Variants in METTL22 observed in about 807,000 individuals in gnomAD.
METTL22 encodes the protein methyltransferase-like protein 22.
Under a neutral mutation model 48.4 loss-of-function variants are expected in METTL22, and 51 were observed. That is an observed-to-expected ratio of 1.05 (90% CI 0.84 to 1.33). The LOEUF is 1.33. Ranked by LOEUF, METTL22 falls within the 40% of genes most tolerant of loss-of-function variation. The probability of loss-of-function intolerance (pLI) is 0.00; values close to 1 mark genes in which losing one functional copy is unlikely to be tolerated. For missense variants in METTL22, 678 were observed against 526.9 expected, an observed-to-expected ratio of 1.29 and a Z score of -2.81; for synonymous variants, 255 against 214.1, an observed-to-expected ratio of 1.19 and a Z score of -1.67.
At chr16:8,642,589 G>C (rs550408858) in intron 9 of METTL22, 24 bp downstream of exon 9, 2 of 1,604,184 alleles carry the variant, frequency 1.2e-6, no homozygotes, top group South Asian at 1.1e-5. Flanking sequence ...CACGGGAACC[G>C]TGCTGACGTC....
chr16:8,659,452 A>G, the METTL22 span, among the ~76,000 whole-genome samples: 21 of 152,292 alleles, frequency 1.4e-4, no homozygotes, highest in Non-Finnish European at 2.5e-4. Context: ...CATTCTGCAA[A>G]TATCTACCAA....
At chr16:8,638,951 T>G in intron 5 of METTL22, 140 bp from the exon 6 acceptor site, 1 of 755,164 alleles carries the variant, frequency 1.3e-6, no homozygotes. Flanking sequence ...GTATTTAATT[T>G]TGGCAGTAAG....
downstream of METTL22, among the ~76,000 whole-genome samples, chr16:8,650,764 C>T (rs1040244154): frequency 6.6e-6 from 1 of 152,210 alleles, no homozygotes; most frequent in Non-Finnish European, 1.5e-5. Flanking sequence ...GTGGCTCATG[C>T]GTGTAATCCC....
At chr16:8,627,423 C>T (rs1180995400) in intron 2 of METTL22, among the ~76,000 whole-genome samples, 1 of 152,094 alleles carries the variant, frequency 6.6e-6, no homozygotes, top group African/African-American at 2.4e-5. Flanking sequence ...ACCTGCTTTC[C>T]TCCCCTCCTG....
At chr16:8,661,632 G>C in the METTL22 span, among the ~76,000 whole-genome samples, 1 of 83,006 alleles carries the variant, frequency 1.2e-5, no homozygotes, top group African/African-American at 5.2e-5. Context: ...GCGACACAGC[G>C]AGACTCCGTC....
intron 2 of METTL22, among the ~76,000 whole-genome samples, chr16:8,626,330 C>T (rs559426973): frequency 3.0e-4 from 46 of 152,208 alleles, no homozygotes; most frequent in African/African-American, 7.0e-4. Flanking sequence ...ACCTATTGTG[C>T]GCCTGACCCA....
rs180928422 is a variant in METTL22, at chr16:8,633,343, A to G, written c.515-1696A>G. On this transcript the variant is annotated intron_variant, in intron 3 of 10. Coordinates refer to ENST00000381920, the MANE Select transcript of METTL22 (RefSeq NM_024109.4). ...AGGCCGGGCACGGTGGCTCACACCT[A>G]TGATCCCACTTTGGGAGGCCAAAGC... 5.7e-4 allele frequency among the ~76,000 whole-genome samples: 87 copies of G among 152,244 alleles called. No individual in the cohort carries two copies. In the East Asian group the frequency reaches 0.016, roughly 28 times the overall value.
Position 8,628,949 on chromosome 16 carries a change from A to G in METTL22, c.353A>G (p.Glu118Gly). The G allele has an allele frequency of 6.2e-7, 1 of 1,614,124 alleles. No homozygotes were observed. Among genetic ancestry groups the G allele is most frequent in the Non-Finnish European group, 8.5e-7 (1 of 1,180,032 alleles). ...GAAGTGGCTGAAGCTCAGCTGGATGAGGATGGGGATTTGGACGTGGTGAGA... is the reference window on the plus strand; with the variant it reads ...GAAGTGGCTGAAGCTCAGCTGGATGGGGATGGGGATTTGGACGTGGTGAGA... ...GQEVAEAQLDEDGDLDVVRRP... is the reference protein window; with the variant it reads ...GQEVAEAQLDGDGDLDVVRRP... The change falls in exon 3 of 11, where the codon GAG (glutamate) becomes GGG (glycine). Residue 118 changes from glutamate to glycine, a missense_variant. Coordinates refer to ENST00000381920, the MANE Select transcript of METTL22 (RefSeq NM_024109.4).
At chr16:8,646,010 G>C in intron 10 of METTL22, 98 bp from the exon 11 acceptor site, 3 of 1,569,384 alleles carry the variant, frequency 1.9e-6, no homozygotes, top group South Asian at 1.2e-5. Flanking sequence ...CTGACGTGTT[G>C]TCTAACTACT....
At chr16:8,649,837 A>C (rs1641079), downstream of METTL22, among the ~76,000 whole-genome samples, 149,390 of 152,174 alleles carry the variant, frequency 0.98, 73,356 homozygotes, top group Middle Eastern at 1. Flanking sequence ...CCATTAGTGA[A>C]ACTGTGGTCC....
rs370005826 is a variant in METTL22, at chr16:8,644,598, C to A, written c.1052C>A (p.Ala351Asp). The A allele has an allele frequency of 1.1e-5, 18 of 1,599,666 alleles. No homozygotes were observed. In the East Asian group the frequency reaches 3.2e-4, roughly 28 times the overall value. The change falls in exon 10 of 11, where the codon GCC becomes GAC. Residue 351 changes from alanine (A) to aspartate (D), a missense_variant. Transcript: ENST00000381920. ...TLRHLDVTCE[A>D]YDHFRSCLHA... is the part of the protein sequence containing the mutation. ...AGACACTTGGACGTCACATGTGAAG[C>A]CTACGATCACTTCCGCTCCTGCCTG... is the stretch of plus-strand genomic sequence containing the variant.
intron 1 of METTL22, 50 bp from the exon 2 acceptor site, chr16:8,625,446 G>C: frequency 2.6e-6 from 1 of 388,848 alleles, no homozygotes; most frequent in Non-Finnish European, 4.6e-6. Flanking sequence ...AATATAAAAT[G>C]AATATAATGA....
chr16:8,662,221 A>G, the METTL22 span, among the ~76,000 whole-genome samples: 1 of 145,310 alleles, frequency 6.9e-6, no homozygotes, highest in Non-Finnish European at 1.5e-5. Context: ...CCGCCTGGGC[A>G]ATAGAGCGAG....
chr16:8,655,601 A>T, the METTL22 span, among the ~76,000 whole-genome samples: 1 of 152,232 alleles, frequency 6.6e-6, no homozygotes, highest in African/African-American at 2.4e-5. Flanking sequence ...GATTACACAG[A>T]GTGGGAATAC....
intron 9 of METTL22, chr16:8,642,776 G>C (rs2056664599): frequency 3.3e-6 from 2 of 604,734 alleles, no homozygotes; most frequent in South Asian, 1.9e-5. Flanking sequence ...TGTCCCACTT[G>C]ACTGATGAAG....
rs1596366406 is a variant in METTL22 at position 8,643,653 on chromosome 16, G to A, written c.1011-904G>A. ...TTTGAGGCAGAGTCTTGCCCTGTCAGCCCAGGCTGGAGTGTGATGGTGCGA... is the reference window on the plus strand; with the variant it reads ...TTTGAGGCAGAGTCTTGCCCTGTCAACCCAGGCTGGAGTGTGATGGTGCGA... On this transcript the variant is annotated intron_variant, in intron 9 of 10. Coordinates refer to ENST00000381920, the MANE Select transcript of METTL22 (RefSeq NM_024109.4). Among the ~76,000 whole-genome samples, 2 of 152,260 alleles carry A rather than the reference G, an allele frequency of 1.3e-5. 1 individual carries two copies. The highest frequency in any genetic ancestry group is 6.8e-3 in the Middle Eastern group (2 of 294).
rs11645682 is a variant in METTL22, at chr16:8,649,612, T to C, written c.*3469T>C. On this transcript the variant is annotated 3_prime_UTR_variant, in exon 11 of 11. Transcript: ENST00000381920. ...TTCGAGACCAGCCTGGCCAACATGGTGAAACCCCGTCTCTACTAAAAATAC... is the reference window on the plus strand; with the variant it reads ...TTCGAGACCAGCCTGGCCAACATGGCGAAACCCCGTCTCTACTAAAAATAC... The C allele has an allele frequency of 0.56, 83,323 of 148,630 alleles. 24,224 individuals are homozygous for C. Among genetic ancestry groups the C allele is most frequent in the East Asian group, 0.88 (4,508 of 5,120 alleles). The allele number at this position is 148,630 out of a possible 1,614,324, so 9.2% of individuals were successfully genotyped here. A position where few individuals can be genotyped will look rare whatever the true frequency, so the allele number is the denominator to read the frequency against.
chr16:8,636,826 T>G (rs1017524175), intron 5 of METTL22, among the ~76,000 whole-genome samples: 1 of 152,228 alleles, frequency 6.6e-6, no homozygotes, highest in South Asian at 2.1e-4. Flanking sequence ...AGACTATTCT[T>G]AAGCTTTTGA....
intron 10 of METTL22, chr16:8,645,875 C>T: frequency 9.6e-7 from 1 of 1,040,902 alleles, no homozygotes; most frequent in Non-Finnish European, 1.1e-6. Flanking sequence ...CTCTGATGCA[C>T]CTTCCGTTAA....
Sources: allele counts gnomAD v4.1 joint callset (sites outside exome capture counted in the v4.1 genomes callset), GRCh38; gene constraint gnomAD v4.1.1; transcripts MANE v1.5; gene names NCBI Gene and HGNC (gene_info 2026-07-23, HGNC 2026-07-21).